Variants in IL31RA observed in about 807,000 individuals in gnomAD.
IL31RA encodes interleukin-31 receptor subunit alpha.
A neutral mutation model predicts 83.7 loss-of-function variants in IL31RA; 66 were observed. That is an observed-to-expected ratio of 0.79 (90% CI 0.65 to 0.97). The LOEUF is 0.97. Among genes scored for constraint, IL31RA ranks in the 50% least tolerant of loss-of-function variants. The pLI is 0.00. For synonymous variants in IL31RA, 325 were observed against 329.0 expected, an observed-to-expected ratio of 0.99 and a Z score of 0.13; for missense variants, 798 against 919.4, an observed-to-expected ratio of 0.87 and a Z score of 1.71.
At chr5:55,907,064 C>T (rs746987899) in intron 9 of IL31RA, among the ~76,000 whole-genome samples, 4 of 152,178 alleles carry the variant, frequency 2.6e-5, no homozygotes, top group Non-Finnish European at 5.9e-5. Flanking sequence ...GCGTGTTCAG[C>T]GATCCTATGG....
intron 6 of IL31RA, among the ~76,000 whole-genome samples, chr5:55,892,386 C>A (rs1748058976): frequency 6.6e-6 from 1 of 152,140 alleles, no homozygotes; most frequent in African/African-American, 2.4e-5. Context: ...CAGATAACAT[C>A]TGGGGTCAAC....
At chr5:55,841,261 C>G in the IL31RA span, among the ~76,000 whole-genome samples, 2 of 152,166 alleles carry the variant, frequency 1.3e-5, no homozygotes, top group Non-Finnish European at 2.9e-5. Context: ...AAATTTTCCA[C>G]TTGTTACCTT....
intron 6 of IL31RA, 64 bp from the exon 7 acceptor site, chr5:55,896,286 C>A: frequency 1.7e-6 from 2 of 1,148,544 alleles, no homozygotes; most frequent in Non-Finnish European, 2.6e-6. Context: ...CCCAGCTAAC[C>A]TTTCCTGTCT....
rs773707834 is a variant in IL31RA at position 55,918,875 on chromosome 5, G to T, written c.*1755G>T. Reference sequence around the variant, plus strand: ...TCTGGTACACCAAGGAATGAGGGAGGCCCGAGGCAGGGCACTGGGGAATAA... The same window carrying T: ...TCTGGTACACCAAGGAATGAGGGAGTCCCGAGGCAGGGCACTGGGGAATAA... On this transcript the variant is annotated 3_prime_UTR_variant, in exon 15 of 15. Transcript: ENST00000652347. Among the ~76,000 whole-genome samples the T allele has an allele frequency of 2.6e-5, 4 of 152,136 alleles. No homozygotes were observed. Among genetic ancestry groups the T allele is most frequent in the Admixed American group, 1.3e-4 (2 of 15,288 alleles).
In IL31RA at chr5:55,893,589, C is replaced by T. The variant is rs188726617; in HGVS notation, c.773-2761C>T. ...AAACTGAAAATCCATGATCAATTTA[C>T]GGTTAATGGAAAGCTGGCTATAATA... On this transcript the variant is annotated intron_variant, in intron 6 of 14. Transcript: ENST00000652347. Among the ~76,000 whole-genome samples, 25 of 152,040 alleles carry T rather than the reference C, an allele frequency of 1.6e-4. No homozygotes were observed. In the East Asian group the frequency reaches 3.3e-3, roughly 20 times the overall value.
chr5:55,882,935 A>G, intron 4 of IL31RA, 109 bp from the exon 5 acceptor site: 2 of 1,023,824 alleles, frequency 2.0e-6, no homozygotes, highest in Non-Finnish European at 3.1e-6. Flanking sequence ...TCTTCGTTCC[A>G]TATAGCAGAC....
chr5:55,886,268 C>CTTGCTCTTTTTTTTTTTTTTTTTTTTTT (rs1235138364), intron 5 of IL31RA, among the ~76,000 whole-genome samples: 1 of 71,510 alleles, frequency 1.4e-5, no homozygotes, highest in African/African-American at 7.3e-5. Flanking sequence ...TGCTTGCTTG[C>CTTGCTCTTTTTTTTTTTTTTTTTTTTTT]TTTTTTTTTT....
chr5:55,902,162 C>T (rs1183797555), intron 8 of IL31RA: 1 of 152,152 alleles, frequency 6.6e-6, no homozygotes, highest in African/African-American at 2.4e-5. Flanking sequence ...CACTCTAACA[C>T]AACCACACAT....
At position 55,919,719 on chromosome 5, in the gene IL31RA, A is replaced by G. The variant is rs894977300; in HGVS notation, c.*2599A>G. 6.6e-6 allele frequency among the ~76,000 whole-genome samples: 1 copy of G among 152,114 alleles called. No homozygotes were observed. On this transcript the variant is annotated 3_prime_UTR_variant, in exon 15 of 15. Transcript: ENST00000652347. ...TTTCTAGGTGAGAGGAGCTGTTTCT[A>G]TGAGTCCCCAAAAGGCACTGGTGGG... is the stretch of plus-strand genomic sequence containing the variant.
chr5:55,900,149 C>T lies in IL31RA; in HGVS notation c.1069+17C>T. 1 of 1,567,780 alleles carries T rather than the reference C, an allele frequency of 6.4e-7. No homozygotes were observed. Among genetic ancestry groups the T allele is most frequent in the Non-Finnish European group, 8.8e-7 (1 of 1,137,736 alleles). On this transcript the variant is annotated intron_variant, in intron 8 of 14. Transcript: ENST00000652347. ...AAGAAAAATGTAAGTAGAGCATCAA[C>T]TTCTTCCTTAGGTGCCTGGTCCCAT...
chr5:55,887,971 A>C (rs1293662564), intron 5 of IL31RA, among the ~76,000 whole-genome samples: 1 of 151,036 alleles, frequency 6.6e-6, no homozygotes. Context: ...AATCGCTTGA[A>C]CCCGGGAGGC....
At chr5:55,879,513 A>ACCTCCG (rs1336849756) in intron 4 of IL31RA, among the ~76,000 whole-genome samples, 1 of 129,920 alleles carries the variant, frequency 7.7e-6, no homozygotes, top group Non-Finnish European at 1.5e-5. Flanking sequence ...GCTCAATGCA[A>ACCTCCG]CCTCCGCCTC....
chr5:55,841,940 TAA>T, the IL31RA span, among the ~76,000 whole-genome samples: 587 of 146,032 alleles, frequency 4.0e-3, 5 homozygotes, highest in African/African-American at 0.014. Flanking sequence ...TGTTTTTCTT[TAA>T]AAAAAAAAAA....
At chr5:55,859,676 C>G in intron 2 of IL31RA, 77 bp downstream of exon 2, 3 of 1,005,832 alleles carry the variant, frequency 3.0e-6, no homozygotes, top group Non-Finnish European at 4.8e-6. Flanking sequence ...AACTTTAAAG[C>G]GACACCTGGA....
At chr5:55,910,811 C>A in intron 12 of IL31RA, 139 bp downstream of exon 12, 3 of 986,068 alleles carry the variant, frequency 3.0e-6, no homozygotes, top group Non-Finnish European at 4.9e-6. Context: ...CTCTGTTCAC[C>A]AACCTTCCTG....
Position 55,868,823 on chromosome 5 carries a change from GT to G in IL31RA, c.188del (p.Val63AlafsTer8), listed in dbSNP as rs1393564955. On this transcript the variant is annotated frameshift_variant, in exon 3 of 15. Transcript: ENST00000652347. LOFTEE classifies it high-confidence loss of function. The part of the protein sequence containing the change: ...LPAKPENISC[V>X]YYYRKNLTCT... The stretch of plus-strand genomic sequence containing the variant: ...AGCTAAGCCTGAGAACATTTCCTGT[GT>G]CTACTACTATAGGAAAAATTTAACC... 1 of 1,608,960 alleles carries G rather than the reference GT, an allele frequency of 6.2e-7. No homozygotes were observed.
intron 6 of IL31RA, among the ~76,000 whole-genome samples, chr5:55,895,358 T>C (rs1038248823): frequency 6.6e-6 from 1 of 152,228 alleles, no homozygotes; most frequent in African/African-American, 2.4e-5. Context: ...TGTCAGGGCA[T>C]TCAACTATAA....
chr5:55,899,062 C>T (rs1162656938), intron 7 of IL31RA, among the ~76,000 whole-genome samples: 6 of 151,872 alleles, frequency 4.0e-5, no homozygotes, highest in Non-Finnish European at 8.8e-5. Context: ...GAAAATGGGT[C>T]GTCTTGAGAG....
At chr5:55,867,199 T>TTGTGCGTGTTTG (rs1746173027) in intron 2 of IL31RA, among the ~76,000 whole-genome samples, 3 of 106,676 alleles carry the variant, frequency 2.8e-5, no homozygotes, top group African/African-American at 1.3e-4. Flanking sequence ...TTGTGTGTGT[T>TTGTGCGTGTTTG]TGTGTGTGTG....
Sources: gnomAD v4.1 joint callset for allele counts (sites outside exome capture counted in the v4.1 genomes callset) on GRCh38, gnomAD v4.1.1 for gene constraint, MANE v1.5 for transcripts, NCBI Gene and HGNC (gene_info 2026-07-23, HGNC 2026-07-21) for gene names.